Variants in RAB11FIP3 observed in about 807,000 individuals in gnomAD.
The protein encoded by RAB11FIP3 is RAB11 family interacting protein 3.
RAB11FIP3 carries 17 observed loss-of-function variants against 77.8 expected under a neutral mutation model. The observed-to-expected ratio is 0.22, with a 90% CI of 0.15 to 0.33. The LOEUF (loss-of-function observed/expected upper bound fraction) is 0.33. Ranked by LOEUF, RAB11FIP3 falls within the 10% of genes least tolerant of loss-of-function variation. RAB11FIP3 has a pLI of 1.00. For synonymous variants in RAB11FIP3, 437 were observed against 448.2 expected, an observed-to-expected ratio of 0.98 and a Z score of 0.31; for missense variants, 1,005 against 1,011.2, an observed-to-expected ratio of 0.99 and a Z score of 0.08.
At chr16:516,619 G>A (rs912966686) in intron 9 of RAB11FIP3, among the ~76,000 whole-genome samples, 9 of 152,234 alleles carry the variant, frequency 5.9e-5, no homozygotes, top group Non-Finnish European at 1.2e-4. Flanking sequence ...GCTCACGCCT[G>A]TAACCCCAGC....
intron 3 of RAB11FIP3, among the ~76,000 whole-genome samples, chr16:478,891 G>A (rs796950293): frequency 1.1e-4 from 17 of 152,172 alleles, no homozygotes; most frequent in African/African-American, 2.9e-4. Flanking sequence ...ACTTGAATCC[G>A]GAGGCAGAGG....
intron 1 of RAB11FIP3, among the ~76,000 whole-genome samples, chr16:428,627 CAGA>C (rs1226803163): frequency 1.4e-4 from 21 of 152,128 alleles, no homozygotes; most frequent in Non-Finnish European, 2.8e-4. Context: ...CCAGAAAGGT[CAGA>C]TAGCTCTCCC....
intron 9 of RAB11FIP3, among the ~76,000 whole-genome samples, chr16:516,052 CG>C (rs1567409455): frequency 6.6e-6 from 1 of 152,210 alleles, no homozygotes; most frequent in African/African-American, 2.4e-5. Flanking sequence ...CCGGGCACCC[CG>C]TGGCCTCCCC....
chr16:482,485 C>T (rs761944545), intron 3 of RAB11FIP3, 40 bp from the exon 4 acceptor site: 11 of 1,595,788 alleles, frequency 6.9e-6, no homozygotes, highest in Non-Finnish European at 1.7e-6. Context: ...AGTTCCCCTC[C>T]CAGCTTGTGC....
At chr16:519,416 A>G (rs116932979) in intron 10 of RAB11FIP3, among the ~76,000 whole-genome samples, 2,963 of 152,320 alleles carry the variant, frequency 0.019, 38 homozygotes, top group Non-Finnish European at 0.03. Flanking sequence ...CAGGAAGGAT[A>G]TTCTCAGAGC....
intron 5 of RAB11FIP3, chr16:491,295 G>A (rs1253071186): frequency 1.5e-6 from 2 of 1,299,288 alleles, no homozygotes; most frequent in Non-Finnish European, 2.0e-6. Context: ...TGGCCTTGCT[G>A]TCTGTTCCCA....
chr16:474,446 T>C (rs137901805), intron 3 of RAB11FIP3, among the ~76,000 whole-genome samples: 1,826 of 152,056 alleles, frequency 0.012, 37 homozygotes, highest in African/African-American at 0.042. Context: ...TCTGAGTAAG[T>C]GGGGAGAGTA....
chr16:445,867 C>A (rs1439466189), intron 1 of RAB11FIP3, among the ~76,000 whole-genome samples: 4 of 152,134 alleles, frequency 2.6e-5, no homozygotes, highest in Non-Finnish European at 5.9e-5. Context: ...GGCAGATGGG[C>A]AAAAGGACGT....
intron 6 of RAB11FIP3, among the ~76,000 whole-genome samples, chr16:502,124 G>A (rs1181340773): frequency 6.6e-6 from 1 of 152,270 alleles, no homozygotes; most frequent in Non-Finnish European, 1.5e-5. Context: ...AACTGAACAC[G>A]CACCTTTGCT....
chr16:505,654 C>G lies in RAB11FIP3; in HGVS notation c.1499+27C>G, dbSNP rs189455817. On this transcript the variant is annotated intron_variant, in intron 8 of 13. Coordinates refer to ENST00000262305, the MANE Select transcript of RAB11FIP3 (RefSeq NM_014700.4). The surrounding 1 kb of genome is among the most constrained non-coding windows in gnomAD (Gnocchi z 4.0). ...TGAGCCTGGGCCAGGAGACCCGGGC[C>G]TCTGCGTGGCGCCTCCTGTGCCCGC... 2.7e-5 allele frequency: 41 copies of G among 1,539,324 alleles called. 1 individual carries two copies. In the African/African-American group the frequency reaches 4.5e-4, roughly 17 times the overall value.
Position 461,336 on chromosome 16 carries a change from C to A in RAB11FIP3, c.715-68C>A. 1 of 1,267,264 alleles carries A rather than the reference C, an allele frequency of 7.9e-7. No individual in the cohort carries two copies. Among genetic ancestry groups the A allele is most frequent in the Non-Finnish European group, 1.1e-6 (1 of 888,666 alleles). 78.5% of individuals were successfully genotyped at this position (1,267,264 alleles called of 1,614,324 possible). On this transcript the variant is annotated intron_variant, in intron 1 of 13. Transcript: ENST00000262305. The surrounding 1 kb of genome is among the most constrained non-coding windows in gnomAD (Gnocchi z 4.5). ...GCCACACACCAGATCTCTCCCAGTC[C>A]GAGGTCCAGGGTTGGGGACCCCTGC... is the stretch of plus-strand genomic sequence containing the variant.
chr16:443,388 TAAA>T (rs1352424749), intron 1 of RAB11FIP3, among the ~76,000 whole-genome samples: 1 of 152,038 alleles, frequency 6.6e-6, no homozygotes, highest in East Asian at 1.9e-4. Context: ...AAGGAGAAAA[TAAA>T]AACCCCATCC....
At chr16:500,756 T>A (rs370087192) in intron 6 of RAB11FIP3, among the ~76,000 whole-genome samples, 1 of 148,412 alleles carries the variant, frequency 6.7e-6, no homozygotes, top group South Asian at 2.1e-4. Context: ...TGACCCATGC[T>A]GAGGACCCTC....
chr16:494,167 G>C (rs1313488423), intron 5 of RAB11FIP3, among the ~76,000 whole-genome samples: 2 of 146,804 alleles, frequency 1.4e-5, no homozygotes, highest in Admixed American at 1.4e-4. Context: ...GGGATTACAG[G>C]TGTGAGCCAC....
intron 4 of RAB11FIP3, among the ~76,000 whole-genome samples, chr16:486,977 T>G (rs1385009903): frequency 6.6e-6 from 1 of 152,180 alleles, no homozygotes; most frequent in Non-Finnish European, 1.5e-5. Flanking sequence ...AAGGTCTTCC[T>G]GTAACGTAGC....
intron 9 of RAB11FIP3, among the ~76,000 whole-genome samples, chr16:516,297 A>G (rs1010879046): frequency 6.6e-6 from 1 of 152,296 alleles, no homozygotes; most frequent in Admixed American, 6.5e-5. Flanking sequence ...GGTGAGGACA[A>G]CTGGATTATG....
In RAB11FIP3 at chr16:522,278, A is replaced by G. The variant is rs2032737707; in HGVS notation, c.*1439A>G. On this transcript the variant is annotated 3_prime_UTR_variant, in exon 14 of 14. Transcript: ENST00000262305. Reference sequence around the variant, plus strand: ...TATATATATATATATATATATGTATAATATATAAAGACTGGCACCCTGCCT... The same window carrying G: ...TATATATATATATATATATATGTATGATATATAAAGACTGGCACCCTGCCT... The G allele has an allele frequency of 6.9e-6, 1 of 145,248 alleles. No homozygotes were observed. Among genetic ancestry groups the G allele is most frequent in the Admixed American group, 6.8e-5 (1 of 14,682 alleles). 9.0% of individuals were successfully genotyped at this position (145,248 alleles called of 1,614,324 possible). A position where few individuals can be genotyped will look rare whatever the true frequency, so the allele number is the denominator to read the frequency against.
chr16:440,529 C>G (rs2055208326), intron 1 of RAB11FIP3, among the ~76,000 whole-genome samples: 1 of 152,202 alleles, frequency 6.6e-6, no homozygotes, highest in Non-Finnish European at 1.5e-5. Flanking sequence ...GGTGGGCATT[C>G]TCAGCTAGGC....
At chr16:496,631 C>T (rs572582294) in intron 5 of RAB11FIP3, among the ~76,000 whole-genome samples, 193 bp from the exon 6 acceptor site, 62 of 152,348 alleles carry the variant, frequency 4.1e-4, no homozygotes, top group African/African-American at 1.4e-3. Context: ...TGCGGCCTCA[C>T]CCCAGCACTG....
Sources: gnomAD v4.1 joint callset for allele counts (sites outside exome capture counted in the v4.1 genomes callset) on GRCh38, gnomAD v4.1.1 for gene constraint, Gnocchi (gnomAD v3.1) non-coding constraint, MANE v1.5 for transcripts, NCBI Gene and HGNC (gene_info 2026-07-23, HGNC 2026-07-21) for gene names.